PPP3CA: variants seen among roughly 807,000 people sequenced by gnomAD.
PPP3CA encodes CAM-PRP catalytic subunit.
A neutral mutation model predicts 66.5 loss-of-function variants in PPP3CA; 14 were observed. The ratio of observed to expected loss-of-function variants is 0.21; its 90% CI spans 0.14 to 0.33. PPP3CA has a LOEUF of 0.33. Ranked by LOEUF, PPP3CA falls within the 10% of genes least tolerant of loss-of-function variation. The pLI is 1.00. For synonymous variants in PPP3CA, 232 were observed against 226.2 expected, an observed-to-expected ratio of 1.03 and a Z score of -0.23; for missense variants, 317 against 639.5, an observed-to-expected ratio of 0.50 and a Z score of 5.44.
At chr4:101,107,255 T>A (rs2110262113) in intron 3 of PPP3CA, among the ~76,000 whole-genome samples, 1 of 152,372 alleles carries the variant, frequency 6.6e-6, no homozygotes, top group East Asian at 1.9e-4. Flanking sequence ...ATTTTGTATC[T>A]CCTTTATCAC....
chr4:101,049,941 G>T (rs1008342166), intron 10 of PPP3CA, among the ~76,000 whole-genome samples: 3 of 152,076 alleles, frequency 2.0e-5, no homozygotes, highest in African/African-American at 7.2e-5. Context: ...TTATCTGAAA[G>T]AAGTCATTCA....
At chr4:101,030,434 T>C (rs1438013589) in intron 12 of PPP3CA, among the ~76,000 whole-genome samples, 1 of 152,126 alleles carries the variant, frequency 6.6e-6, no homozygotes, top group African/African-American at 2.4e-5. Flanking sequence ...TTGAAGGGCA[T>C]CAGGCAATAC....
intron 1 of PPP3CA, among the ~76,000 whole-genome samples, chr4:101,224,697 T>C (rs1188885466): frequency 6.6e-6 from 1 of 151,772 alleles, no homozygotes; most frequent in East Asian, 1.9e-4. Context: ...TGAAATTCAA[T>C]ATTCTGAATA....
chr4:101,131,241 T>A (rs889092529), intron 2 of PPP3CA, among the ~76,000 whole-genome samples: 1 of 83,446 alleles, frequency 1.2e-5, no homozygotes, highest in African/African-American at 5.4e-5. Context: ...CGTCTCAAAA[T>A]AAATAAATAA....
intron 8 of PPP3CA, among the ~76,000 whole-genome samples, chr4:101,078,252 T>C (rs1729278109): frequency 6.6e-6 from 1 of 152,216 alleles, no homozygotes; most frequent in Admixed American, 6.5e-5. Flanking sequence ...CAATATGACT[T>C]ACTAAATTCC....
intron 1 of PPP3CA, among the ~76,000 whole-genome samples, chr4:101,241,868 C>T (rs1726321356): frequency 6.6e-6 from 1 of 152,038 alleles, no homozygotes; most frequent in African/African-American, 2.4e-5. Context: ...AGTCAAATTG[C>T]TAAGTGTATC....
intron 2 of PPP3CA, among the ~76,000 whole-genome samples, chr4:101,162,861 T>A (rs187362304): frequency 6.6e-6 from 1 of 152,290 alleles, no homozygotes; most frequent in East Asian, 1.9e-4. Flanking sequence ...ACCTTAATTG[T>A]CAGTCAGCAT....
chr4:101,334,012 T>C (rs1271180707), intron 1 of PPP3CA, among the ~76,000 whole-genome samples: 1 of 152,230 alleles, frequency 6.6e-6, no homozygotes, highest in Non-Finnish European at 1.5e-5. Flanking sequence ...GATGGGTAGA[T>C]GGATGGCTTA....
intron 2 of PPP3CA, among the ~76,000 whole-genome samples, chr4:101,125,847 A>T (rs551758567): frequency 3.7e-4 from 56 of 152,298 alleles, no homozygotes; most frequent in Non-Finnish European, 6.6e-4. Flanking sequence ...AAATCCCTGA[A>T]CAATATGACA....
chr4:101,066,674 C>A (rs1728694740), intron 8 of PPP3CA, among the ~76,000 whole-genome samples: 1 of 151,888 alleles, frequency 6.6e-6, no homozygotes, highest in Non-Finnish European at 1.5e-5. Context: ...ATATATAACA[C>A]AGAAATACAT....
intron 2 of PPP3CA, among the ~76,000 whole-genome samples, chr4:101,136,260 A>G (rs1168862680): frequency 6.6e-6 from 1 of 152,154 alleles, no homozygotes; most frequent in African/African-American, 2.4e-5. Context: ...CTGTGCTATC[A>G]AATGTGTTCA....
At chr4:101,125,819 C>G (rs752735531) in intron 2 of PPP3CA, among the ~76,000 whole-genome samples, 16 of 152,226 alleles carry the variant, frequency 1.1e-4, no homozygotes, top group Non-Finnish European at 1.6e-4. Flanking sequence ...ATAATAGATT[C>G]ATTTATATTA....
intron 2 of PPP3CA, among the ~76,000 whole-genome samples, chr4:101,162,932 G>A (rs1052531404): frequency 6.6e-6 from 1 of 152,104 alleles, no homozygotes; most frequent in South Asian, 2.1e-4. Flanking sequence ...GAAGCACTAT[G>A]TTTCCCAGAC....
chr4:101,235,047 CAGAT>C (rs1358720498), intron 1 of PPP3CA, among the ~76,000 whole-genome samples: 1 of 151,648 alleles, frequency 6.6e-6, no homozygotes, highest in Non-Finnish European at 1.5e-5. Flanking sequence ...GTGAGTGAAT[CAGAT>C]AGGTATCTTT....
At chr4:101,315,964 A>C (rs1310608074) in intron 1 of PPP3CA, among the ~76,000 whole-genome samples, 1 of 152,116 alleles carries the variant, frequency 6.6e-6, no homozygotes, top group Non-Finnish European at 1.5e-5. Context: ...GCCTAGTATG[A>C]ATCTTATCCT....
At chr4:101,185,573 C>T (rs1352883925) in intron 2 of PPP3CA, among the ~76,000 whole-genome samples, 1 of 152,168 alleles carries the variant, frequency 6.6e-6, no homozygotes, top group Non-Finnish European at 1.5e-5. Flanking sequence ...ACTTCACTAC[C>T]TGTAGCATGC....
intron 3 of PPP3CA, among the ~76,000 whole-genome samples, chr4:101,102,139 T>C (rs1730470469): frequency 6.6e-6 from 1 of 152,116 alleles, no homozygotes; most frequent in South Asian, 2.1e-4. Context: ...ACATGTAATA[T>C]CCCTGATTAT....
At chr4:101,208,292 A>G (rs1410069004) in intron 1 of PPP3CA, among the ~76,000 whole-genome samples, 1 of 152,182 alleles carries the variant, frequency 6.6e-6, no homozygotes, top group Non-Finnish European at 1.5e-5. Flanking sequence ...ATGGAGTTGT[A>G]TTTTGTTTTG....
chr4:101,232,050 T>G (rs973357113), intron 1 of PPP3CA, among the ~76,000 whole-genome samples: 4 of 151,670 alleles, frequency 2.6e-5, no homozygotes, highest in Non-Finnish European at 5.9e-5. Context: ...CATCATCAAA[T>G]TGACCTCTGT....
Sources: gnomAD v4.1 joint callset for allele counts (sites outside exome capture counted in the v4.1 genomes callset) on GRCh38, gnomAD v4.1.1 for gene constraint, MANE v1.5 for transcripts, NCBI Gene and HGNC (gene_info 2026-07-23, HGNC 2026-07-21) for gene names.